The following IFT74 variants were observed in gnomAD, a reference collection of about 807,000 sequenced individuals.
The protein encoded by IFT74 is intraflagellar transport protein 74 homolog.
IFT74 carries 92 observed loss-of-function variants against 96.7 expected under a neutral mutation model. The observed-to-expected ratio is 0.95, with a 90% CI of 0.80 to 1.13. The LOEUF is 1.13. IFT74 is among the 50% of genes most tolerant of loss of function. The pLI, the probability that IFT74 is intolerant of heterozygous loss-of-function variation, is 0.00. For synonymous variants in IFT74, 223 were observed against 213.2 expected, an observed-to-expected ratio of 1.05 and a Z score of -0.40; for missense variants, 811 against 698.2, an observed-to-expected ratio of 1.16 and a Z score of -1.82.
At position 26,962,057 on chromosome 9, in the gene IFT74, C is replaced by G. The variant is rs1270199428; in HGVS notation, c.90C>G (p.Pro30=). The G allele has an allele frequency of 1.9e-6, 3 of 1,614,118 alleles. No individual in the cohort carries two copies. The highest frequency in any genetic ancestry group is 2.5e-6 in the Non-Finnish European group (3 of 1,180,012). Residue 30 remains proline (P), a synonymous_variant, in exon 2 of 20, where the codon CCC becomes CCG. Transcript: ENST00000380062. The part of the protein sequence containing the change: ...LTGRPPSGIR[P]LSGNIRVATA... Reference sequence around the variant, plus strand: ...GAAGGCCTCCTTCTGGGATACGACCCCTATCAGGAAATATTCGAGTGGCAA... The same window carrying G: ...GAAGGCCTCCTTCTGGGATACGACCGCTATCAGGAAATATTCGAGTGGCAA...
rs973169532 is a variant in IFT74, at chr9:26,988,849, T to C, written c.525+121T>C. The C allele has an allele frequency of 1.3e-5, 12 of 895,054 alleles. No homozygotes were observed. In the African/African-American group the frequency reaches 2.1e-4, roughly 16 times the overall value. The allele number at this position is 895,054 out of a possible 1,614,324, so 55.4% of individuals were successfully genotyped here. A position where few individuals can be genotyped will look rare whatever the true frequency, so the allele number is the denominator to read the frequency against. On this transcript the variant is annotated intron_variant, in intron 7 of 19. Coordinates refer to ENST00000380062, the MANE Select transcript of IFT74 (RefSeq NM_025103.4). ...CTATAGAGGTGAATATTACTCTGAT[T>C]GTAAATACCACTATTAGGTATTCCT...
In IFT74 at chr9:27,055,121, C is replaced by T. The variant is rs535664343; in HGVS notation, c.1334-488C>T. 7.2e-5 allele frequency among the ~76,000 whole-genome samples: 11 copies of T among 152,076 alleles called. No individual in the cohort carries two copies. In the South Asian group the frequency reaches 1.2e-3, roughly 17 times the overall value. On this transcript the variant is annotated intron_variant, in intron 16 of 19. Transcript: ENST00000380062. Reference sequence around the variant, plus strand: ...CTTAACTCTGTATTTCCTTTGGGAGCAATAGTTCAATATTTGCTAACTCAT... The same window carrying T: ...CTTAACTCTGTATTTCCTTTGGGAGTAATAGTTCAATATTTGCTAACTCAT...
rs1826384152 is a variant in IFT74, at chr9:26,961,992, G to A, written c.25G>A (p.Ala9Thr). The change falls in exon 2 of 20, where the codon GCA becomes ACA. Residue 9 changes from alanine (A) to threonine (T), a missense_variant. Coordinates refer to ENST00000380062, the MANE Select transcript of IFT74 (RefSeq NM_025103.4). The part of the protein sequence containing the change: MASNHKSS[A>T]ARPVSRGGVG... ...AATGGCCAGCAATCACAAATCTTCA[G>A]CAGCTCGCCCTGTTTCAAGAGGTGG... The A allele has an allele frequency of 6.2e-7, 1 of 1,614,058 alleles. No individual in the cohort carries two copies. The highest frequency in any genetic ancestry group is 8.5e-7 in the Non-Finnish European group (1 of 1,179,994).
At chr9:26,994,544 A>G (rs1303346343) in intron 8 of IFT74, 1 of 152,002 alleles carries the variant, frequency 6.6e-6, no homozygotes, top group Non-Finnish European at 1.5e-5. Context: ...CTCAAAAAAA[A>G]AAAAAAAAAA....
Position 27,011,983 on chromosome 9 carries a change from A to C in IFT74, c.789+15A>C. 1 of 1,544,414 alleles carries C rather than the reference A, an allele frequency of 6.5e-7. No homozygotes were observed. The highest frequency in any genetic ancestry group is 8.8e-7 in the Non-Finnish European group (1 of 1,138,432). On this transcript the variant is annotated intron_variant, in intron 10 of 19. Transcript: ENST00000380062. ...GCCTGGAAGCAGTAAGTATAAAATC[A>C]AATAAGGGTTCTCATACTACTCAGC... is the stretch of plus-strand genomic sequence containing the variant.
chr9:27,057,125 A>G (rs950249115), intron 18 of IFT74, among the ~76,000 whole-genome samples: 3 of 152,132 alleles, frequency 2.0e-5, no homozygotes, highest in Admixed American at 2.0e-4. Context: ...TATTGAACCA[A>G]TTCCCTTTCG....
chr9:27,036,377 A>T, intron 13 of IFT74: 10 of 1,555,990 alleles, frequency 6.4e-6, no homozygotes, highest in Non-Finnish European at 8.7e-6. Context: ...CATTAAGCTT[A>T]TATGTACTCT....
intron 8 of IFT74, chr9:26,993,641 T>C (rs925094065): frequency 6.6e-6 from 1 of 152,324 alleles, no homozygotes; most frequent in South Asian, 2.1e-4. Flanking sequence ...AATTGTCAAG[T>C]ACATACAAAT....
At chr9:27,007,678 A>G (rs1476996798) in intron 8 of IFT74, among the ~76,000 whole-genome samples, 2 of 152,192 alleles carry the variant, frequency 1.3e-5, no homozygotes, top group African/African-American at 4.8e-5. Context: ...GTAGTAGGAT[A>G]TGAATGTGTA....
intron 2 of IFT74, among the ~76,000 whole-genome samples, chr9:26,968,416 C>G (rs1563939291): frequency 6.6e-6 from 1 of 152,022 alleles, no homozygotes; most frequent in Non-Finnish European, 1.5e-5. Flanking sequence ...CATGTGCTAC[C>G]ACGTCTGGCT....
chr9:27,012,708 GTTTTT>G lies in IFT74; in HGVS notation c.789+763_789+767del, dbSNP rs772920018. On this transcript the variant is annotated intron_variant, in intron 10 of 19. Coordinates refer to ENST00000380062, the MANE Select transcript of IFT74 (RefSeq NM_025103.4). ...GAACAAGAGGAAAGTAAAAATGTCT[GTTTTT>G]TTTTTTTTTTTTTTTTTTTTTTAGA... Among the ~76,000 whole-genome samples the G allele has an allele frequency of 1.3e-4, 7 of 53,876 alleles. No individual in the cohort carries two copies. In the East Asian group the frequency reaches 1.9e-3, roughly 15 times the overall value. 35.3% of individuals were successfully genotyped at this position (53,876 alleles called of 152,430 possible).
rs56131867 is a variant in IFT74 at position 27,056,858 on chromosome 9, GGATAGATAGATA to G, written c.1623+436_1623+447del. On this transcript the variant is annotated intron_variant, in intron 18 of 19. Coordinates refer to ENST00000380062, the MANE Select transcript of IFT74 (RefSeq NM_025103.4). ...TTTAGTGTGGGTTCTTTTAGTCAAT[GGATAGATAGATA>G]GATAGATAGATAGATAGATAGATAG... Among the ~76,000 whole-genome samples the G allele has an allele frequency of 7.1e-3, 1,027 of 144,676 alleles. 10 individuals carry two copies. The highest frequency in any genetic ancestry group is 0.043 in the South Asian group (185 of 4,338). 94.9% of individuals were successfully genotyped at this position (144,676 alleles called of 152,430 possible).
chr9:26,992,725 G>A (rs1331077906), intron 8 of IFT74, among the ~76,000 whole-genome samples: 3 of 151,844 alleles, frequency 2.0e-5, no homozygotes, highest in Admixed American at 2.0e-4. Flanking sequence ...GTATTGTTAC[G>A]AAGGTTACTT....
chr9:27,052,740 T>G (rs942936538), intron 16 of IFT74, among the ~76,000 whole-genome samples: 1 of 152,194 alleles, frequency 6.6e-6, no homozygotes, highest in African/African-American at 2.4e-5. Flanking sequence ...TTATTCTTTC[T>G]TTCCTTCCCT....
intron 13 of IFT74, among the ~76,000 whole-genome samples, chr9:27,036,177 C>T (rs75122823): frequency 6.6e-6 from 1 of 152,144 alleles, no homozygotes; most frequent in African/African-American, 2.4e-5. Context: ...ATTGTCTTCA[C>T]ATTGAGTAGA....
intron 1 of IFT74, among the ~76,000 whole-genome samples, chr9:26,947,679 A>G (rs924996375): frequency 6.6e-5 from 10 of 152,214 alleles, no homozygotes; most frequent in African/African-American, 2.4e-4. Flanking sequence ...TTGTTTTTCA[A>G]TTAAAACGAG....
At chr9:27,013,351 G>A (rs1829200011) in intron 10 of IFT74, among the ~76,000 whole-genome samples, 1 of 152,128 alleles carries the variant, frequency 6.6e-6, no homozygotes, top group Non-Finnish European at 1.5e-5. Context: ...TGAACAGGTT[G>A]TTTATAGTTT....
intron 10 of IFT74, among the ~76,000 whole-genome samples, chr9:27,015,018 T>A (rs1431073497): frequency 6.6e-6 from 1 of 152,226 alleles, no homozygotes; most frequent in East Asian, 1.9e-4. Flanking sequence ...CTGTACAACG[T>A]ATTAGGTCAT....
chr9:26,997,648 A>G, intron 8 of IFT74: 1 of 1,447,370 alleles, frequency 6.9e-7, no homozygotes, highest in South Asian at 1.4e-5. Flanking sequence ...CCTTTTCTTT[A>G]AAACGTGATA....
Sources: allele counts gnomAD v4.1 joint callset (sites outside exome capture counted in the v4.1 genomes callset), GRCh38; gene constraint gnomAD v4.1.1; transcripts MANE v1.5; gene names NCBI Gene and HGNC (gene_info 2026-07-23, HGNC 2026-07-21).